PDE7B: variants seen among roughly 807,000 people sequenced by gnomAD.
PDE7B encodes phosphodiesterase 7B, also known as 3',5'-cyclic-AMP phosphodiesterase 7B.
A neutral mutation model predicts 56.2 loss-of-function variants in PDE7B; 29 were observed. The ratio of observed to expected loss-of-function variants is 0.52; its 90% confidence interval spans 0.38 to 0.70. PDE7B has a LOEUF of 0.70. PDE7B is among the 30% of genes least tolerant of loss of function. PDE7B has a pLI of 0.00. For synonymous variants in PDE7B, 197 were observed against 196.9 expected (o/e 1.00, Z 0.00); for missense variants, 490 against 565.0 (o/e 0.87, Z 1.35).
intron 1 of PDE7B, among the ~76,000 whole-genome samples, chr6:135,944,071 G>A (rs1774552564): frequency 6.6e-6 from 1 of 152,178 alleles, no homozygotes; most frequent in Admixed American, 6.5e-5. Context: ...AATCCCTAAG[G>A]AGAGATTGGA....
intron 3 of PDE7B, among the ~76,000 whole-genome samples, chr6:136,115,402 A>G (rs573571936): frequency 1.3e-5 from 2 of 152,280 alleles, no homozygotes; most frequent in South Asian, 4.2e-4. Context: ...GCCATTATAA[A>G]ATACGCTTTA....
intron 2 of PDE7B, chr6:136,034,592 C>A (rs1776295745): frequency 6.6e-6 from 1 of 152,248 alleles, no homozygotes; most frequent in Non-Finnish European, 1.5e-5. Context: ...CAGCCAAAAC[C>A]AGATGATGGC....
At chr6:136,023,249 C>A (rs1776102239) in intron 2 of PDE7B, among the ~76,000 whole-genome samples, 1 of 152,150 alleles carries the variant, frequency 6.6e-6, no homozygotes, top group Admixed American at 6.5e-5. Flanking sequence ...ATAGCAGTAA[C>A]ATCACTCTTG....
intron 2 of PDE7B, among the ~76,000 whole-genome samples, chr6:136,051,984 A>G (rs887080546): frequency 2.6e-5 from 4 of 152,176 alleles, no homozygotes; most frequent in African/African-American, 9.6e-5. Context: ...GGCTGTTCAG[A>G]GGGATGAAGT....
chr6:135,901,010 G>T (rs1775990052), intron 1 of PDE7B, among the ~76,000 whole-genome samples: 1 of 152,090 alleles, frequency 6.6e-6, no homozygotes, highest in Non-Finnish European at 1.5e-5. Flanking sequence ...AAAGAGTTTT[G>T]AATGCCACCT....
intron 1 of PDE7B, among the ~76,000 whole-genome samples, chr6:135,914,823 G>A (rs534336261): frequency 1.3e-5 from 2 of 148,550 alleles, no homozygotes; most frequent in Non-Finnish European, 3.0e-5. Context: ...GGCCTGGCGT[G>A]GTGGCTCACG....
At chr6:136,172,288 C>A (rs1458334122) in intron 8 of PDE7B, among the ~76,000 whole-genome samples, 1 of 152,180 alleles carries the variant, frequency 6.6e-6, no homozygotes, top group Admixed American at 6.5e-5. Context: ...TCCACACCCT[C>A]TCCAGCACCT....
chr6:136,026,511 G>A (rs1214683930), intron 2 of PDE7B, among the ~76,000 whole-genome samples: 2 of 152,148 alleles, frequency 1.3e-5, no homozygotes, highest in Non-Finnish European at 2.9e-5. Flanking sequence ...CAATTCATCG[G>A]ACTTAAATGT....
chr6:135,969,601 C>T (rs1260003817), intron 2 of PDE7B, among the ~76,000 whole-genome samples: 1 of 152,098 alleles, frequency 6.6e-6, no homozygotes, highest in Non-Finnish European at 1.5e-5. Flanking sequence ...CCCTTCCTTA[C>T]AACTTATACA....
chr6:135,875,041 T>G (rs1775465391), intron 1 of PDE7B, among the ~76,000 whole-genome samples: 3 of 152,030 alleles, frequency 2.0e-5, no homozygotes, highest in Admixed American at 2.0e-4. Flanking sequence ...AAAGCTTCTA[T>G]TCCAGTTCTC....
chr6:135,886,723 T>A (rs1401721346), intron 1 of PDE7B, among the ~76,000 whole-genome samples: 1 of 152,310 alleles, frequency 6.6e-6, no homozygotes, highest in South Asian at 2.1e-4. Flanking sequence ...CCTAGTAGTA[T>A]TCCATAGTGT....
At chr6:135,889,298 G>T (rs1275347580) in intron 1 of PDE7B, among the ~76,000 whole-genome samples, 2 of 151,540 alleles carry the variant, frequency 1.3e-5, no homozygotes, top group African/African-American at 4.9e-5. Flanking sequence ...ATGTCCAGCT[G>T]TCTCCAGCTG....
At chr6:136,113,229 G>A (rs1376799330) in intron 3 of PDE7B, among the ~76,000 whole-genome samples, 2 of 152,136 alleles carry the variant, frequency 1.3e-5, no homozygotes, top group African/African-American at 4.8e-5. Context: ...CACAATGTGT[G>A]TGTGTATATA....
intron 1 of PDE7B, among the ~76,000 whole-genome samples, chr6:135,882,499 T>G (rs1775628314): frequency 6.6e-6 from 1 of 152,194 alleles, no homozygotes; most frequent in Admixed American, 6.5e-5. Flanking sequence ...CATTCATCAA[T>G]CTTTCTGCCA....
At chr6:135,964,946 A>G (rs1348744701) in intron 2 of PDE7B, among the ~76,000 whole-genome samples, 1 of 152,260 alleles carries the variant, frequency 6.6e-6, no homozygotes, top group Non-Finnish European at 1.5e-5. Context: ...GTTTGAGACC[A>G]GCCTGGCCAA....
intron 3 of PDE7B, among the ~76,000 whole-genome samples, chr6:136,126,267 C>G (rs189366148): frequency 5.0e-4 from 76 of 152,264 alleles, no homozygotes; most frequent in Admixed American, 4.5e-3. Flanking sequence ...CCACCACTCC[C>G]TCCTCTCACC....
chr6:135,943,481 CA>C (rs1208506940), intron 1 of PDE7B, among the ~76,000 whole-genome samples: 1 of 152,160 alleles, frequency 6.6e-6, no homozygotes, highest in African/African-American at 2.4e-5. Context: ...ATGAGCAGGT[CA>C]AAAGTAGCCA....
chr6:136,098,149 A>AAT (rs1777501922), intron 2 of PDE7B: 1 of 135,470 alleles, frequency 7.4e-6, no homozygotes, highest in Non-Finnish European at 1.6e-5. Flanking sequence ...GGGGGGGGGA[A>AAT]ATATATGTAT....
chr6:135,896,163 C>T (rs543595367), intron 1 of PDE7B, among the ~76,000 whole-genome samples: 81 of 152,142 alleles, frequency 5.3e-4, no homozygotes, highest in African/African-American at 1.8e-3. Flanking sequence ...TATGAAAACG[C>T]GGGGAGAGAA....
Sources: allele counts gnomAD v4.1 joint callset (sites outside exome capture counted in the v4.1 genomes callset), GRCh38; gene constraint gnomAD v4.1.1; transcripts MANE v1.5; gene names NCBI Gene and HGNC (gene_info 2026-07-23, HGNC 2026-07-21).